PRMT2: variants seen among roughly 807,000 people sequenced by gnomAD.
PRMT2 encodes the protein protein arginine N-methyltransferase 2.
A neutral mutation model predicts 57.6 loss-of-function variants in PRMT2; 26 were observed. That is an observed-to-expected ratio of 0.45 (90% CI 0.33 to 0.63). The LOEUF is 0.63. PRMT2 is among the 20% of genes least tolerant of loss of function. The pLI is 0.02. For synonymous variants in PRMT2, 219 were observed against 220.0 expected, an observed-to-expected ratio of 1.00 and a Z score of 0.04; for missense variants, 472 against 564.4, an observed-to-expected ratio of 0.84 and a Z score of 1.66.
At chr21:46,645,863 C>T (rs766947495) in intron 5 of PRMT2, among the ~76,000 whole-genome samples, 2 of 151,956 alleles carry the variant, frequency 1.3e-5, no homozygotes, top group East Asian at 1.9e-4. Flanking sequence ...ACTACAGGTG[C>T]GTGCCACCAT....
At position 46,661,848 on chromosome 21, in the gene PRMT2, C is replaced by T. The variant is rs758092319; in HGVS notation, c.1009C>T (p.His337Tyr). The T allele has an allele frequency of 6.6e-7, 1 of 1,514,168 alleles. No individual in the cohort carries two copies. The highest frequency in any genetic ancestry group is 8.9e-7 in the Non-Finnish European group (1 of 1,126,360). 93.8% of individuals were successfully genotyped at this position (1,514,168 alleles called of 1,614,324 possible). ...RFDIRKAGTL[H>Y]GFTAWFSVHF... Reference sequence around the variant, plus strand: ...CGACATCAGGAAGGCGGGGACCCTGCACGGCTTCACGGCCTGGTTTAGCGT... The same window carrying T: ...CGACATCAGGAAGGCGGGGACCCTGTACGGCTTCACGGCCTGGTTTAGCGT... The change falls in exon 10 of 12, where the codon CAC (histidine) becomes TAC (tyrosine). Residue 337 changes from histidine (H) to tyrosine (Y), a missense_variant. His to Tyr is a moderately conservative substitution (Grantham distance 83). Around this residue, in one of 2 missense-constraint regions of PRMT2, gnomAD observed 229 missense variants for 217.2 expected, o/e 1.05. Coordinates refer to ENST00000355680, the MANE Select transcript of PRMT2 (RefSeq NM_206962.4).
chr21:46,644,301 TCCAGCTCA>T lies in PRMT2; in HGVS notation c.145-4_148del. The T allele has an allele frequency of 6.2e-7, 1 of 1,601,006 alleles. No homozygotes were observed. ...CTTATTGAATTTTAACTTTTTTTTT[TCCAGCTCA>T]GTTTTTTGAGAGGAGAAAAAATTCT... On this transcript the variant is annotated splice_acceptor_variant and splice_polypyrimidine_tract_variant and coding_sequence_variant and intron_variant, in exon 5 of 12. Coordinates refer to ENST00000355680, the MANE Select transcript of PRMT2 (RefSeq NM_206962.4). LOFTEE classifies it high-confidence loss of function.
intron 7 of PRMT2, 76 bp from the exon 8 acceptor site, chr21:46,658,669 C>T (rs541683775): frequency 7.5e-5 from 118 of 1,570,268 alleles, no homozygotes; most frequent in African/African-American, 1.2e-4. Flanking sequence ...ACTAGTGTTA[C>T]GAATGTGGTG....
chr21:46,660,963 G>A lies in PRMT2; in HGVS notation c.960+1G>A, dbSNP rs1011024912. ...AACCGTGCAAATTTCTGATCTAGAG[G>A]TGAGAAAAAGATGAATTGCTCCTTA... is the stretch of plus-strand genomic sequence containing the variant. On this transcript the variant is annotated splice_donor_variant, in intron 9 of 11. Transcript: ENST00000355680. LOFTEE classifies it high-confidence loss of function. The A allele has an allele frequency of 6.2e-7, 1 of 1,611,458 alleles. No homozygotes were observed. Among genetic ancestry groups the A allele is most frequent in the Non-Finnish European group, 8.5e-7 (1 of 1,178,806 alleles).
chr21:46,653,550 C>T (rs1326663509), intron 7 of PRMT2: 7 of 1,035,190 alleles, frequency 6.8e-6, no homozygotes, highest in Non-Finnish European at 8.1e-6. Flanking sequence ...GCAGAGGCCA[C>T]AACCAAGGCC....
intron 9 of PRMT2, chr21:46,661,270 A>T: frequency 9.2e-6 from 2 of 216,378 alleles, no homozygotes; most frequent in Non-Finnish European, 1.8e-5. Context: ...ATTTCGTTTC[A>T]TTATGGTATT....
chr21:46,646,970 T>C (rs2148977700), intron 5 of PRMT2, among the ~76,000 whole-genome samples: 1 of 152,300 alleles, frequency 6.6e-6, no homozygotes, highest in Non-Finnish European at 1.5e-5. Flanking sequence ...TGGGAGCACC[T>C]CTTTCACCAC....
intron 5 of PRMT2, among the ~76,000 whole-genome samples, chr21:46,646,548 C>T (rs1047161583): frequency 6.6e-6 from 1 of 152,200 alleles, no homozygotes; most frequent in Non-Finnish European, 1.5e-5. Context: ...ATATTGGCAC[C>T]TGTCACTCTT....
chr21:46,662,289 G>A (rs982434336), intron 10 of PRMT2, among the ~76,000 whole-genome samples: 5 of 152,330 alleles, frequency 3.3e-5, no homozygotes, highest in African/African-American at 1.2e-4. Context: ...GGGTTCACCT[G>A]ACGTTTTTGG....
chr21:46,645,157 C>T (rs1377254231), intron 5 of PRMT2, among the ~76,000 whole-genome samples: 1 of 30,322 alleles, frequency 3.3e-5, no homozygotes, highest in Non-Finnish European at 6.6e-5. Context: ...GTCCCAGCTA[C>T]TCGAGAGGCT....
At chr21:46,644,261 C>T (rs763095256) in intron 4 of PRMT2, 45 bp from the exon 5 acceptor site, 1 of 1,571,488 alleles carries the variant, frequency 6.4e-7, no homozygotes, top group Non-Finnish European at 8.7e-7. Flanking sequence ...ATTTGAAATA[C>T]CAATGACTGG....
At position 46,664,388 on chromosome 21, in the gene PRMT2, A is replaced by AC. The variant is rs1357081264; in HGVS notation, c.*63dup. ...CTTGAGGGGTGATGAACACAAGCAA[A>AC]CCAAGTTGCACCTGGCTTCTGCACA... On this transcript the variant is annotated 3_prime_UTR_variant, in exon 12 of 12. Transcript: ENST00000355680. 1.2e-6 allele frequency: 2 copies of AC among 1,605,280 alleles called. No individual in the cohort carries two copies. The highest frequency in any genetic ancestry group is 1.7e-6 in the Non-Finnish European group (2 of 1,172,360).
chr21:46,643,443 T>C (rs2061312284), intron 3 of PRMT2, 92 bp from the exon 4 acceptor site: 43 of 1,393,950 alleles, frequency 3.1e-5, no homozygotes, highest in Non-Finnish European at 4.0e-5. Flanking sequence ...TGAATCTGTA[T>C]TTGAAATTTG....
At chr21:46,638,405 G>T (rs2061212603) in intron 3 of PRMT2, among the ~76,000 whole-genome samples, 1 of 152,154 alleles carries the variant, frequency 6.6e-6, no homozygotes, top group Admixed American at 6.5e-5. Flanking sequence ...TTCCCTTTTT[G>T]TTGGACACTT....
chr21:46,658,883 T>G lies in PRMT2; in HGVS notation c.793T>G (p.Trp265Gly). The part of the protein sequence containing the change: ...DKDYRSKVLF[W>G]DNAYEFNLSA... ...GGATTATCGTAGCAAGGTGCTCTTC[T>G]GGGACAACGCGTACGAGTTCAACCT... The change falls in exon 8 of 12, where the codon TGG (tryptophan) becomes GGG (glycine). Residue 265 changes from tryptophan to glycine, a missense_variant. Transcript: ENST00000355680. 1 of 1,614,206 alleles carries G rather than the reference T, an allele frequency of 6.2e-7. No homozygotes were observed. Among genetic ancestry groups the G allele is most frequent in the Non-Finnish European group, 8.5e-7 (1 of 1,180,038 alleles).
chr21:46,663,998 A>G (rs2061668045), intron 11 of PRMT2, among the ~76,000 whole-genome samples: 1 of 152,152 alleles, frequency 6.6e-6, no homozygotes, highest in Non-Finnish European at 1.5e-5. Context: ...GTGTGAATTC[A>G]TGTGTAGCTC....
chr21:46,641,012 T>C (rs2061263295), intron 3 of PRMT2, among the ~76,000 whole-genome samples: 1 of 151,440 alleles, frequency 6.6e-6, no homozygotes. Flanking sequence ...TAGTCCCAGC[T>C]ACTTGAGAGG....
In PRMT2 at chr21:46,664,736, G is replaced by A; in HGVS notation, c.*409G>A. 1 of 243,400 alleles carries A rather than the reference G, an allele frequency of 4.1e-6. No homozygotes were observed. The highest frequency in any genetic ancestry group is 6.9e-5 in the South Asian group (1 of 14,450). The allele number at this position is 243,400 out of a possible 1,614,324, so 15.1% of individuals were successfully genotyped here. A position where few individuals can be genotyped will look rare whatever the true frequency, so the allele number is the denominator to read the frequency against. ...CTCCTATGTTAGTGGTGCCCTTACT[G>A]CCGTCGCTCATCCACTCGTGTGGGA... On this transcript the variant is annotated 3_prime_UTR_variant, in exon 12 of 12. Coordinates refer to ENST00000355680, the MANE Select transcript of PRMT2 (RefSeq NM_206962.4).
intron 3 of PRMT2, 176 bp from the exon 4 acceptor site, chr21:46,643,359 G>T: frequency 8.5e-7 from 1 of 1,170,436 alleles, no homozygotes; most frequent in Non-Finnish European, 1.1e-6. Context: ...AAGAAATGTA[G>T]AGTGAAGGTG....
Sources: allele counts gnomAD v4.1 joint callset (sites outside exome capture counted in the v4.1 genomes callset), GRCh38; gene constraint gnomAD v4.1.1; regional missense constraint gnomAD v4.1.1; transcripts MANE v1.5; gene names NCBI Gene and HGNC (gene_info 2026-07-23, HGNC 2026-07-21).